Variants in ASCC3 observed in about 807,000 individuals in gnomAD.
ASCC3 encodes the protein activating signal cointegrator 1 complex subunit 3.
Under a neutral mutation model 256.3 loss-of-function variants are expected in ASCC3, and 158 were observed. The observed-to-expected ratio is 0.62, with a 90% confidence interval of 0.54 to 0.70. The LOEUF (loss-of-function observed/expected upper bound fraction) is 0.70, where lower values mean the gene tolerates loss of function less well. Ranked by LOEUF, ASCC3 falls within the 30% of genes least tolerant of loss-of-function variation. The pLI, the probability that ASCC3 is intolerant of heterozygous loss-of-function variation, is 0.00. For synonymous variants in ASCC3, 948 were observed against 883.4 expected (o/e 1.07, Z -1.30); for missense variants, 2,259 against 2,626.0 (o/e 0.86, Z 3.05).
At chr6:100,837,520 G>A (rs916071002) in intron 4 of ASCC3, among the ~76,000 whole-genome samples, 1 of 151,980 alleles carries the variant, frequency 6.6e-6, no homozygotes, top group African/African-American at 2.4e-5. Context: ...TAAATATATA[G>A]TATATACACA....
intron 36 of ASCC3, among the ~76,000 whole-genome samples, chr6:100,583,779 T>A (rs1771464315): frequency 1.3e-5 from 2 of 152,330 alleles, no homozygotes; most frequent in African/African-American, 2.4e-5. Context: ...GAGATTCTGG[T>A]ATGTGTGTCT....
chr6:100,514,427 A>G (rs1407090848), intron 39 of ASCC3, among the ~76,000 whole-genome samples: 1 of 152,158 alleles, frequency 6.6e-6, no homozygotes, highest in Non-Finnish European at 1.5e-5. Context: ...AAGACTTGTT[A>G]TGTTTCTTTA....
At chr6:100,733,936 G>A (rs1022617490) in intron 10 of ASCC3, among the ~76,000 whole-genome samples, 1 of 151,976 alleles carries the variant, frequency 6.6e-6, no homozygotes, top group Non-Finnish European at 1.5e-5. Context: ...ATATATATAC[G>A]CTCTCAAATA....
chr6:100,788,595 T>A (rs1036287586), intron 8 of ASCC3, among the ~76,000 whole-genome samples: 1 of 151,634 alleles, frequency 6.6e-6, no homozygotes, highest in Non-Finnish European at 1.5e-5. Context: ...GAAGTACGGA[T>A]ACAAAATGTA....
At chr6:100,597,831 G>T (rs1333658328) in intron 34 of ASCC3, among the ~76,000 whole-genome samples, 1 of 96,168 alleles carries the variant, frequency 1.0e-5, no homozygotes, top group African/African-American at 4.5e-5. Context: ...AAAATTAGCC[G>T]AGCATGGTGG....
At chr6:100,873,450 A>G (rs1773847434) in intron 1 of ASCC3, among the ~76,000 whole-genome samples, 1 of 152,204 alleles carries the variant, frequency 6.6e-6, no homozygotes, top group African/African-American at 2.4e-5. Context: ...TGGAAAACAT[A>G]TTTGGGGGAA....
chr6:100,828,545 GCTC>G (rs200455523), intron 4 of ASCC3, among the ~76,000 whole-genome samples: 1,958 of 151,676 alleles, frequency 0.013, 20 homozygotes, highest in East Asian at 0.045. Context: ...TCTGGAGTTT[GCTC>G]CTTCTGATGT....
intron 5 of ASCC3, among the ~76,000 whole-genome samples, chr6:100,804,754 G>A (rs1028180398): frequency 8.5e-5 from 13 of 152,150 alleles, no homozygotes; most frequent in Non-Finnish European, 1.8e-4. Context: ...AATAATAACA[G>A]ATGTTGGCTC....
chr6:100,829,563 G>A (rs147633117), intron 4 of ASCC3, among the ~76,000 whole-genome samples: 2 of 152,140 alleles, frequency 1.3e-5, no homozygotes, highest in South Asian at 2.1e-4. Flanking sequence ...TCCCGCTGGC[G>A]GCGCCTCTCC....
chr6:100,509,984 G>A lies in ASCC3; in HGVS notation c.6409C>T (p.Arg2137Ter), dbSNP rs760927168. The change falls in exon 41 of 42, where the codon CGA (arginine) becomes TGA (stop). Residue 2137 changes from arginine (R) to a stop codon, truncating the protein, a stop_gained. Transcript: ENST00000369162. LOFTEE classifies it high-confidence loss of function. Reference protein sequence around the residue: ...LIALKRVGYIRNHHVASLSFY... With the variant: ...LIALKRVGYI ...GAAAGGGAAGCAACATGATGATTTC[G>A]AATATATCCTACTCTTTTCAAAGCA... 6.8e-6 allele frequency: 11 copies of A among 1,613,662 alleles called. No individual in the cohort carries two copies. Among genetic ancestry groups the A allele is most frequent in the South Asian group, 1.1e-5 (1 of 91,046 alleles).
chr6:100,702,730 C>G (rs1171114428), intron 13 of ASCC3, among the ~76,000 whole-genome samples: 1 of 152,102 alleles, frequency 6.6e-6, no homozygotes, highest in African/African-American at 2.4e-5. Context: ...AAGGTAAAAT[C>G]AGCATTTTGC....
At chr6:100,679,111 G>T (rs575590481) in intron 14 of ASCC3, among the ~76,000 whole-genome samples, 222 of 151,884 alleles carry the variant, frequency 1.5e-3, no homozygotes, top group Non-Finnish European at 2.5e-3. Flanking sequence ...CTTTTTAAAA[G>T]GATGCAGGTG....
Position 100,716,337 on chromosome 6 carries a change from T to A in ASCC3, c.2080-804A>T, listed in dbSNP as rs148068813. ...AGGGTCTCATATTCCTTATTAATGA[T>A]GAGAAAGCTTCTAACCAAAAAGGTA... On this transcript the variant is annotated intron_variant, in intron 12 of 41. Coordinates refer to ENST00000369162, the MANE Select transcript of ASCC3 (RefSeq NM_006828.4). Among the ~76,000 whole-genome samples the A allele has an allele frequency of 2.4e-4, 37 of 151,948 alleles. No homozygotes were observed. In the East Asian group the frequency reaches 6.8e-3, roughly 28 times the overall value.
intron 8 of ASCC3, among the ~76,000 whole-genome samples, chr6:100,769,233 A>G (rs563460565): frequency 6.6e-6 from 1 of 152,172 alleles, no homozygotes; most frequent in East Asian, 1.9e-4. Context: ...GGGGGAAGAA[A>G]AGCATGGGGA....
At chr6:100,788,510 C>G (rs768590766) in intron 8 of ASCC3, among the ~76,000 whole-genome samples, 2 of 151,638 alleles carry the variant, frequency 1.3e-5, no homozygotes, top group East Asian at 3.9e-4. Context: ...AATACCTGTA[C>G]ATGAACAGTT....
At chr6:100,586,964 T>C (rs1304042151) in intron 36 of ASCC3, among the ~76,000 whole-genome samples, 1 of 152,134 alleles carries the variant, frequency 6.6e-6, no homozygotes, top group African/African-American at 2.4e-5. Flanking sequence ...AAAACTAAAG[T>C]TTAAAAATGA....
intron 1 of ASCC3, among the ~76,000 whole-genome samples, chr6:100,878,903 A>G (rs1350021703): frequency 6.6e-6 from 1 of 152,202 alleles, no homozygotes; most frequent in South Asian, 2.1e-4. Context: ...TTCTGACACT[A>G]TCTAGAGATA....
chr6:100,594,146 C>G (rs1772154020), intron 34 of ASCC3, among the ~76,000 whole-genome samples: 1 of 152,002 alleles, frequency 6.6e-6, no homozygotes, highest in Non-Finnish European at 1.5e-5. Context: ...GTATGATTAG[C>G]TGAAGGGAGC....
At chr6:100,623,430 A>G (rs1774063466) in intron 30 of ASCC3, among the ~76,000 whole-genome samples, 1 of 152,214 alleles carries the variant, frequency 6.6e-6, no homozygotes, top group African/African-American at 2.4e-5. Context: ...CTGAAATATC[A>G]GTTAACTATT....
Sources: allele counts gnomAD v4.1 joint callset (sites outside exome capture counted in the v4.1 genomes callset), GRCh38; gene constraint gnomAD v4.1.1; transcripts MANE v1.5; gene names NCBI Gene and HGNC (gene_info 2026-07-23, HGNC 2026-07-21).